PGM5: variants seen among roughly 807,000 people sequenced by gnomAD.
PGM5 encodes the protein phosphoglucomutase 5.
A neutral mutation model predicts 59.2 loss-of-function variants in PGM5; 23 were observed. The observed-to-expected ratio is 0.39, with a 90% CI of 0.28 to 0.55. PGM5 has a LOEUF of 0.55. Among genes scored for constraint, PGM5 ranks in the 20% least tolerant of loss-of-function variants. The pLI is 0.66. For missense variants in PGM5, 574 were observed against 748.3 expected (o/e 0.77, Z 2.72); for synonymous variants, 214 against 286.0 (o/e 0.75, Z 2.54).
chr9:68,529,571 T>C lies in PGM5; in HGVS notation c.1619T>C (p.Val540Ala), dbSNP rs763622362. 6.3e-7 allele frequency: 1 copy of C among 1,592,338 alleles called. No homozygotes were observed. ...PSGHDQEPQA[V>A]LSPLIAIALK... ...ACTTTCCTTTTCCTTTTGCAGGCAG[T>C]GCTGAGCCCTCTCATAGCCATCGCA... Residue 540 changes from valine to alanine, a missense_variant, in exon 11 of 11, where the codon GTG (valine) becomes GCG (alanine). By Grantham distance (64) the Val-to-Ala change is moderately conservative. This residue lies in a region of PGM5 where 300 missense variants were observed against 280.0 expected (regional missense o/e 1.07). Coordinates refer to ENST00000396396, the MANE Select transcript of PGM5 (RefSeq NM_021965.4).
At chr9:68,478,716 C>G (rs1564016479) in intron 7 of PGM5, among the ~76,000 whole-genome samples, 1 of 152,212 alleles carries the variant, frequency 6.6e-6, no homozygotes, top group Non-Finnish European at 1.5e-5. Context: ...CTCTGTATTT[C>G]TCCTCTTCTG....
chr9:68,489,538 T>G (rs1346526943), intron 9 of PGM5, among the ~76,000 whole-genome samples: 3 of 150,976 alleles, frequency 2.0e-5, no homozygotes. Context: ...TGATCTTGGC[T>G]CACTGTGACC....
chr9:68,492,408 T>G (rs1412356950), intron 9 of PGM5, among the ~76,000 whole-genome samples: 2 of 152,194 alleles, frequency 1.3e-5, no homozygotes, highest in African/African-American at 4.8e-5. Flanking sequence ...AGGTGAGTGC[T>G]TTAAAAGAGC....
At chr9:68,401,885 ATATATGTG>A (rs1226025821) in intron 6 of PGM5, among the ~76,000 whole-genome samples, 6,128 of 104,034 alleles carry the variant, frequency 0.059, 108 homozygotes, top group African/African-American at 0.1. Flanking sequence ...AGCTATATAT[ATATATGTG>A]TGTGTGTGTG....
intron 1 of PGM5, among the ~76,000 whole-genome samples, chr9:68,364,559 T>C (rs1554676530): frequency 6.6e-6 from 1 of 152,192 alleles, no homozygotes; most frequent in African/African-American, 2.4e-5. Flanking sequence ...GATCCAGACA[T>C]TAGGGAGGAC....
At chr9:68,439,696 T>C (rs1196437748) in intron 6 of PGM5, among the ~76,000 whole-genome samples, 3 of 149,554 alleles carry the variant, frequency 2.0e-5, no homozygotes, top group African/African-American at 7.4e-5. Context: ...TGCACACATA[T>C]ATATATATAT....
chr9:68,505,341 A>G (rs190325872), intron 10 of PGM5, among the ~76,000 whole-genome samples: 309 of 152,198 alleles, frequency 2.0e-3, no homozygotes, highest in Non-Finnish European at 3.0e-3. Flanking sequence ...CCTGACACCA[A>G]CTGGGTGCAA....
At chr9:68,386,917 C>T (rs1423214629) in intron 3 of PGM5, among the ~76,000 whole-genome samples, 2 of 151,894 alleles carry the variant, frequency 1.3e-5, no homozygotes, top group South Asian at 2.1e-4. Flanking sequence ...CTAGATTGGG[C>T]ATGAATGAGA....
chr9:68,407,001 G>C (rs1465012906), intron 6 of PGM5, among the ~76,000 whole-genome samples: 1 of 151,846 alleles, frequency 6.6e-6, no homozygotes, highest in Non-Finnish European at 1.5e-5. Flanking sequence ...GGACTCTGCT[G>C]TGTGAACCTC....
In PGM5 at chr9:68,437,753, A is replaced by G. The variant is rs1372528252; in HGVS notation, c.1044-27340A>G. On this transcript the variant is annotated intron_variant, in intron 6 of 10. Transcript: ENST00000396396. The surrounding 1 kb of genome is among the most constrained non-coding windows in gnomAD (Gnocchi z 4.1). ...GTTGCTAACCTTTAAAAATGGGGATATTTCATATAAAAATCCAAGTTGTTG... is the reference window on the plus strand; with the variant it reads ...GTTGCTAACCTTTAAAAATGGGGATGTTTCATATAAAAATCCAAGTTGTTG... Among the ~76,000 whole-genome samples, 1 of 152,210 alleles carries G rather than the reference A, an allele frequency of 6.6e-6. No individual in the cohort carries two copies. Among genetic ancestry groups the G allele is most frequent in the Non-Finnish European group, 1.5e-5 (1 of 68,032 alleles).
intron 10 of PGM5, among the ~76,000 whole-genome samples, chr9:68,521,873 G>C (rs942298728): frequency 2.6e-5 from 4 of 152,212 alleles, no homozygotes; most frequent in Non-Finnish European, 4.4e-5. Flanking sequence ...AAGCCTCTCA[G>C]CTGCTCCTAC....
At chr9:68,426,539 C>T (rs1223892528) in intron 6 of PGM5, among the ~76,000 whole-genome samples, 2 of 151,794 alleles carry the variant, frequency 1.3e-5, no homozygotes, top group Non-Finnish European at 2.9e-5. Context: ...AAATGGTTTA[C>T]AGTTGTTCCC....
chr9:68,411,214 G>C (rs1403173887), intron 6 of PGM5, among the ~76,000 whole-genome samples: 2 of 151,966 alleles, frequency 1.3e-5, no homozygotes, highest in African/African-American at 4.8e-5. Flanking sequence ...GTAGGCAACT[G>C]TCAACACCTC....
chr9:68,376,810 TTTCTTTC>T (rs1455881497), intron 1 of PGM5, among the ~76,000 whole-genome samples: 3 of 111,196 alleles, frequency 2.7e-5, no homozygotes, highest in African/African-American at 1.1e-4. Context: ...TCTTTCTTTC[TTTCTTTC>T]TTTCTTTCTT....
At chr9:68,441,287 C>T (rs1554683687) in intron 6 of PGM5, among the ~76,000 whole-genome samples, 1 of 151,842 alleles carries the variant, frequency 6.6e-6, no homozygotes, top group Non-Finnish European at 1.5e-5. Flanking sequence ...TTTTATGAGG[C>T]TAGCATTACC....
At chr9:68,408,076 G>A (rs1418267220) in intron 6 of PGM5, among the ~76,000 whole-genome samples, 2 of 152,222 alleles carry the variant, frequency 1.3e-5, no homozygotes, top group African/African-American at 2.4e-5. Flanking sequence ...TCTAGGGAGA[G>A]ACTTGGGAAG....
chr9:68,378,581 A>G (rs1299432177), intron 2 of PGM5, among the ~76,000 whole-genome samples: 2 of 152,098 alleles, frequency 1.3e-5, no homozygotes, highest in Non-Finnish European at 2.9e-5. Context: ...AGCATAAACT[A>G]TTGAATAGTT....
intron 1 of PGM5, among the ~76,000 whole-genome samples, chr9:68,368,587 T>G (rs375975514): frequency 0.028 from 4,198 of 152,302 alleles, 39 homozygotes; most frequent in East Asian, 0.12. Context: ...CATGTTACAA[T>G]TAATTTGCTG....
At position 68,529,852 on chromosome 9, in the gene PGM5, A is replaced by G; in HGVS notation, c.*196A>G. 2.0e-6 allele frequency: 1 copy of G among 498,554 alleles called. No individual in the cohort carries two copies. The highest frequency in any genetic ancestry group is 3.5e-6 in the Non-Finnish European group (1 of 283,678). 30.9% of individuals were successfully genotyped at this position (498,554 alleles called of 1,614,324 possible). On this transcript the variant is annotated 3_prime_UTR_variant, in exon 11 of 11. Coordinates refer to ENST00000396396, the MANE Select transcript of PGM5 (RefSeq NM_021965.4). ...GGTTTTGTCCTATTCCTCCAAATGC[A>G]GCAGGGCCTTTAGTTGTCTGTTAAA...
Sources: gnomAD v4.1 joint callset for allele counts (sites outside exome capture counted in the v4.1 genomes callset) on GRCh38, gnomAD v4.1.1 for gene constraint, gnomAD v4.1.1 regional missense constraint, Gnocchi (gnomAD v3.1) non-coding constraint, MANE v1.5 for transcripts, NCBI Gene and HGNC (gene_info 2026-07-23, HGNC 2026-07-21) for gene names.